FAM184A: variants seen among roughly 807,000 people sequenced by gnomAD.
The protein encoded by FAM184A is protein FAM184A.
In FAM184A, 99 loss-of-function variants were observed where a neutral mutation model predicts 143.8. That is an observed-to-expected ratio of 0.69 (90% CI 0.58 to 0.81). The LOEUF is 0.81. Among genes scored for constraint, FAM184A ranks in the 40% least tolerant of loss-of-function variants. The pLI, the probability that FAM184A is intolerant of heterozygous loss-of-function variation, is 0.00. For synonymous variants in FAM184A, 427 were observed against 446.4 expected, an observed-to-expected ratio of 0.96 and a Z score of 0.55; for missense variants, 1,217 against 1,310.5, an observed-to-expected ratio of 0.93 and a Z score of 1.10.
At chr6:119,004,696 C>T (rs766188848) in intron 7 of FAM184A, among the ~76,000 whole-genome samples, 5 of 152,094 alleles carry the variant, frequency 3.3e-5, no homozygotes, top group Non-Finnish European at 7.4e-5. Context: ...TGTGGTAAAC[C>T]AGGATGCAGC....
At chr6:119,122,833 G>A (rs1343123984) in intron 1 of FAM184A, among the ~76,000 whole-genome samples, 1 of 149,716 alleles carries the variant, frequency 6.7e-6, no homozygotes, top group Admixed American at 6.7e-5. Flanking sequence ...GCTGAGGTGG[G>A]AGGACTGCTT....
At chr6:119,033,990 CAAAAAAAAAAAA>C (rs59719185) in intron 1 of FAM184A, among the ~76,000 whole-genome samples, 45 of 17,348 alleles carry the variant, frequency 2.6e-3, no homozygotes, top group African/African-American at 0.011. Flanking sequence ...GACTCTGTCT[CAAAAAAAAAAAA>C]AAAAAAAAAA....
chr6:119,132,172 T>C (rs1010413265), intron 1 of FAM184A, among the ~76,000 whole-genome samples: 3 of 152,238 alleles, frequency 2.0e-5, no homozygotes, highest in South Asian at 2.1e-4. Context: ...TGCCAAATTC[T>C]GTGTAGGTTT....
intron 1 of FAM184A, among the ~76,000 whole-genome samples, chr6:119,143,131 GT>G (rs1361016604): frequency 1.3e-5 from 2 of 152,128 alleles, no homozygotes; most frequent in African/African-American, 4.8e-5. Context: ...CGTTTGTGTT[GT>G]TTTAAGGTAC....
chr6:118,991,378 C>A (rs1432294893), intron 9 of FAM184A, among the ~76,000 whole-genome samples: 1 of 152,048 alleles, frequency 6.6e-6, no homozygotes, highest in Admixed American at 6.5e-5. Context: ...CCAGGCTGGT[C>A]ACGAACTCCT....
At chr6:119,127,048 G>A (rs1789386325) in intron 1 of FAM184A, among the ~76,000 whole-genome samples, 1 of 152,170 alleles carries the variant, frequency 6.6e-6, no homozygotes, top group Non-Finnish European at 1.5e-5. Flanking sequence ...TTTTATGAGT[G>A]CAGGATGGTG....
chr6:119,045,182 T>C (rs1786479221), intron 1 of FAM184A, among the ~76,000 whole-genome samples: 1 of 152,094 alleles, frequency 6.6e-6, no homozygotes, highest in South Asian at 2.1e-4. Flanking sequence ...CACTGCTCTA[T>C]GGTCATATCA....
At chr6:119,067,012 T>G (rs750158987) in intron 1 of FAM184A, among the ~76,000 whole-genome samples, 2 of 152,252 alleles carry the variant, frequency 1.3e-5, no homozygotes, top group Non-Finnish European at 2.9e-5. Flanking sequence ...TATGAAAGAT[T>G]TTATTTAAAC....
chr6:119,082,385 A>T (rs7450529), upstream of FAM184A, among the ~76,000 whole-genome samples: 19,092 of 152,208 alleles, frequency 0.13, 1,675 homozygotes, highest in African/African-American at 0.23. Context: ...TCCCAAAGTC[A>T]TAACTCATTC....
intron 1 of FAM184A, among the ~76,000 whole-genome samples, chr6:119,143,555 A>G (rs1287710803): frequency 2.0e-5 from 3 of 152,246 alleles, no homozygotes; most frequent in African/African-American, 7.2e-5. Context: ...GGTGGAAACA[A>G]TCGAAGTATC....
At chr6:119,052,542 C>T (rs1287042804) in intron 1 of FAM184A, among the ~76,000 whole-genome samples, 1 of 152,228 alleles carries the variant, frequency 6.6e-6, no homozygotes, top group Admixed American at 6.5e-5. Context: ...AAGTGGTCAT[C>T]TCAAAACATA....
At position 119,001,442 on chromosome 6, in the gene FAM184A, T is replaced by C. The variant is rs192519072; in HGVS notation, c.2088+1457A>G. Among the ~76,000 whole-genome samples, 260 of 152,074 alleles carry C rather than the reference T, an allele frequency of 1.7e-3. 2 individuals carry two copies. The highest frequency in any genetic ancestry group is 6.2e-4 in the South Asian group (3 of 4,806). On this transcript the variant is annotated intron_variant, in intron 9 of 17. Coordinates refer to ENST00000338891, the MANE Select transcript of FAM184A (RefSeq NM_024581.6). ...CTGCTTTGAAAATTGATTTAGAAAT[T>C]CTGTAAAGCTGGCAAAAACTGGAGC...
chr6:119,136,717 C>A (rs953229890), intron 1 of FAM184A, among the ~76,000 whole-genome samples: 1 of 152,212 alleles, frequency 6.6e-6, no homozygotes, highest in Non-Finnish European at 1.5e-5. Flanking sequence ...AAACTCGCTT[C>A]AGTATTTTTT....
intron 6 of FAM184A, among the ~76,000 whole-genome samples, chr6:119,007,797 C>T (rs1392613697): frequency 2.6e-5 from 4 of 151,866 alleles, no homozygotes; most frequent in Admixed American, 6.6e-5. Flanking sequence ...AAAAAGTAGC[C>T]GGGTGTGGTG....
At chr6:119,009,260 T>TG (rs1785019904) in intron 6 of FAM184A, among the ~76,000 whole-genome samples, 1 of 152,196 alleles carries the variant, frequency 6.6e-6, no homozygotes, top group Non-Finnish European at 1.5e-5. Context: ...ATGGTTTGGC[T>TG]GTGTCCCCAC....
At position 118,959,864 on chromosome 6, in the gene FAM184A, C is replaced by G. The variant is rs1409880974; in HGVS notation, c.*239G>C. 1.4e-5 allele frequency: 4 copies of G among 295,252 alleles called. No homozygotes were observed. Among genetic ancestry groups the G allele is most frequent in the African/African-American group, 4.3e-5 (2 of 45,996 alleles). 18.3% of individuals were successfully genotyped at this position (295,252 alleles called of 1,614,324 possible). On this transcript the variant is annotated 3_prime_UTR_variant, in exon 18 of 18. Transcript: ENST00000338891. ...AACAAAATTTATTATGCAGTAATTA[C>G]AAAGGTTAAAGACTCTTCCATCTCA...
At chr6:119,068,205 C>A (rs549565154) in intron 1 of FAM184A, among the ~76,000 whole-genome samples, 1 of 151,974 alleles carries the variant, frequency 6.6e-6, no homozygotes, top group Non-Finnish European at 1.5e-5. Context: ...CACCACCACA[C>A]TCGGCTAATT....
chr6:119,137,052 A>T (rs1034235414), intron 1 of FAM184A, among the ~76,000 whole-genome samples: 1 of 152,238 alleles, frequency 6.6e-6, no homozygotes, highest in Non-Finnish European at 1.5e-5. Context: ...TGCTACAAAC[A>T]TCTGGGCACT....
chr6:119,057,972 TA>T (rs34145294), intron 1 of FAM184A: 65,662 of 133,680 alleles, frequency 0.49, 16,973 homozygotes, highest in East Asian at 0.94. Flanking sequence ...TGACTGGCTT[TA>T]AAAAAAAAAA....
Sources: gnomAD v4.1 joint callset for allele counts (sites outside exome capture counted in the v4.1 genomes callset) on GRCh38, gnomAD v4.1.1 for gene constraint, MANE v1.5 for transcripts, NCBI Gene and HGNC (gene_info 2026-07-23, HGNC 2026-07-21) for gene names.